The following COQ8A variants were observed in gnomAD, a reference collection of about 807,000 sequenced individuals.
The protein encoded by COQ8A is atypical kinase COQ8A, mitochondrial.
COQ8A carries 51 observed loss-of-function variants against 65.0 expected under a neutral mutation model. That is an observed-to-expected ratio of 0.78 (90% CI 0.63 to 0.99). The LOEUF (loss-of-function observed/expected upper bound fraction) is 0.99. Ranked by LOEUF, COQ8A falls within the 50% of genes least tolerant of loss-of-function variation. COQ8A has a pLI of 0.00. For synonymous variants in COQ8A, 371 were observed against 353.2 expected (o/e 1.05, Z -0.57); for missense variants, 940 against 875.0 (o/e 1.07, Z -0.94).
At position 226,977,530 on chromosome 1, in the gene COQ8A, C is replaced by T. The variant is rs370924314; in HGVS notation, c.730+7C>T. 3.5e-5 allele frequency: 54 copies of T among 1,554,896 alleles called. No homozygotes were observed. The African/African-American group carries it at 4.5e-4, about 13-fold the overall frequency. On this transcript the variant is annotated splice_region_variant and intron_variant, in intron 5 of 14. Transcript: ENST00000366777. ...CGCTCCGAGGACCCCTCAGGTGAGC[C>T]GGGCCCTTCAGTGGGAGGGGCAGGG... is the stretch of plus-strand genomic sequence containing the variant.
At chr1:226,984,997 T>C in intron 13 of COQ8A, 56 bp downstream of exon 13, 1 of 1,596,204 alleles carries the variant, frequency 6.3e-7, no homozygotes, top group Non-Finnish European at 8.6e-7. Flanking sequence ...TGGGACAGGA[T>C]GCTGGGGGAC....
At chr1:226,943,590 G>A (rs1656825517) in intron 1 of COQ8A, among the ~76,000 whole-genome samples, 1 of 152,218 alleles carries the variant, frequency 6.6e-6, no homozygotes, top group Non-Finnish European at 1.5e-5. Context: ...ATATGGCTGA[G>A]ATTTCTAATC....
intron 1 of COQ8A, among the ~76,000 whole-genome samples, chr1:226,960,887 C>A (rs897853925): frequency 6.6e-6 from 1 of 152,020 alleles, no homozygotes; most frequent in Non-Finnish European, 1.5e-5. Context: ...CAGCCTCAGC[C>A]CCTGTGGGTT....
intron 1 of COQ8A, among the ~76,000 whole-genome samples, chr1:226,950,564 CT>C (rs1238112261): frequency 6.6e-6 from 1 of 152,166 alleles, no homozygotes; most frequent in Non-Finnish European, 1.5e-5. Context: ...CATAATTTAC[CT>C]TTTGAAAATG....
rs1553277145 is a variant in COQ8A at position 226,965,740 on chromosome 1, A to C, written c.655+3A>C. The C allele has an allele frequency of 4.3e-6, 7 of 1,613,532 alleles. No individual in the cohort carries two copies. Among genetic ancestry groups the C allele is most frequent in the Non-Finnish European group, 5.1e-6 (6 of 1,179,950 alleles). On this transcript the variant is annotated splice_donor_region_variant and intron_variant, in intron 4 of 14. Transcript: ENST00000366777. ...TGGCCGGCTGGCCAACTTCGGAGGT[A>C]AGGTGGCTGTGTGCCCCTGGACTGC...
At chr1:226,952,512 C>T (rs537082449) in intron 1 of COQ8A, among the ~76,000 whole-genome samples, 1 of 151,804 alleles carries the variant, frequency 6.6e-6, no homozygotes, top group South Asian at 2.1e-4. Flanking sequence ...AATCCCTGGG[C>T]TCAAGCGATC....
In COQ8A at chr1:226,977,535, C is replaced by T; in HGVS notation, c.730+12C>T. The T allele has an allele frequency of 6.4e-7, 1 of 1,553,466 alleles. No individual in the cohort carries two copies. The highest frequency in any genetic ancestry group is 1.2e-5 in the South Asian group (1 of 84,358). ...CGAGGACCCCTCAGGTGAGCCGGGC[C>T]CTTCAGTGGGAGGGGCAGGGTGGGC... On this transcript the variant is annotated intron_variant, in intron 5 of 14. Transcript: ENST00000366777.
chr1:226,961,467 C>T lies in COQ8A; in HGVS notation c.82C>T (p.Gln28Ter). Residue 28 changes from glutamine to a stop codon, truncating the protein, a stop_gained, in exon 2 of 15, where the codon CAG becomes TAG. Transcript: ENST00000366777. LOFTEE classifies it high-confidence loss of function. ...LTQAAVETHL[Q>*]HLGIGGELIM... ...CCAGGCGGCCGTGGAAACCCACCTG[C>T]AGCACTTGGGCATCGGAGGGGAGCT... 6.2e-7 allele frequency: 1 copy of T among 1,613,864 alleles called. No homozygotes were observed. Among genetic ancestry groups the T allele is most frequent in the Non-Finnish European group, 8.5e-7 (1 of 1,179,990 alleles).
intron 5 of COQ8A, 80 bp downstream of exon 5, chr1:226,977,603 T>C (rs1490312341): frequency 1.7e-5 from 24 of 1,453,702 alleles, no homozygotes; most frequent in Non-Finnish European, 1.9e-6. Context: ...CCACCTGTGC[T>C]CTGGGAGTGT....
intron 4 of COQ8A, among the ~76,000 whole-genome samples, chr1:226,968,563 C>T (rs777013814): frequency 2.0e-4 from 31 of 152,250 alleles, no homozygotes; most frequent in Admixed American, 2.0e-4. Context: ...TACCTCTAGC[C>T]TTTCTTCCCT....
At chr1:226,971,025 C>T (rs1025350173) in intron 4 of COQ8A, among the ~76,000 whole-genome samples, 9 of 152,188 alleles carry the variant, frequency 5.9e-5, no homozygotes, top group African/African-American at 2.2e-4. Context: ...ACTGCAACCT[C>T]TGCCTCCCGG....
In COQ8A at chr1:226,984,204, C is replaced by T. The variant is rs1192007159; in HGVS notation, c.1367C>T (p.Ala456Val). Residue 456 changes from alanine (A) to valine (V), a missense_variant, in exon 11 of 15, where the codon GCC becomes GTC. Coordinates refer to ENST00000366777, the MANE Select transcript of COQ8A (RefSeq NM_020247.5). ...GTGTCTGGCTTCCCCCTGGACCAGG[C>T]CGAAGGGCTCAGCCAGGAGATTCGG... ...ELVSGFPLDQ[A>V]EGLSQEIRNE... The T allele has an allele frequency of 1.2e-6, 2 of 1,613,794 alleles. No homozygotes were observed. The highest frequency in any genetic ancestry group is 1.7e-6 in the Non-Finnish European group (2 of 1,179,998).
At chr1:226,943,833 C>T (rs1380573112) in intron 1 of COQ8A, among the ~76,000 whole-genome samples, 1 of 152,158 alleles carries the variant, frequency 6.6e-6, no homozygotes, top group Non-Finnish European at 1.5e-5. Context: ...CCGAAATTTC[C>T]CTGCACCCCT....
chr1:226,985,356 G>A lies in COQ8A; in HGVS notation c.1659+16G>A, dbSNP rs754873029. The A allele has an allele frequency of 2.5e-6, 4 of 1,612,990 alleles. No homozygotes were observed. In the Admixed American group the frequency reaches 5.0e-5, roughly 20 times the overall value. On this transcript the variant is annotated intron_variant, in intron 14 of 14. Coordinates refer to ENST00000366777, the MANE Select transcript of COQ8A (RefSeq NM_020247.5). Reference sequence around the variant, plus strand: ...CGAGGTCAAGGTGAGCAGGGTTGCGGGGGATCCCCTGGGCCTGCTGACCCA... The same window carrying A: ...CGAGGTCAAGGTGAGCAGGGTTGCGAGGGATCCCCTGGGCCTGCTGACCCA...
chr1:226,971,705 A>C (rs1278277525), intron 4 of COQ8A, among the ~76,000 whole-genome samples: 1 of 152,086 alleles, frequency 6.6e-6, no homozygotes, highest in Non-Finnish European at 1.5e-5. Flanking sequence ...TTTTTTTGAA[A>C]ATGTGGCTAT....
At chr1:226,955,503 ACTCCCTGGTTCACACT>A (rs1657651164) in intron 1 of COQ8A, among the ~76,000 whole-genome samples, 1 of 94,382 alleles carries the variant, frequency 1.1e-5, no homozygotes, top group Non-Finnish European at 2.1e-5. Flanking sequence ...TCTGGCTGCC[ACTCCCTGGTTCACACT>A]CTCCCTGGCT....
In COQ8A at chr1:226,982,106, G is replaced by A; in HGVS notation, c.810G>A (p.Val270=). The A allele has an allele frequency of 6.2e-7, 1 of 1,610,064 alleles. No homozygotes were observed. Among genetic ancestry groups the A allele is most frequent in the Non-Finnish European group, 8.5e-7 (1 of 1,178,932 alleles). Residue 270 remains valine, a synonymous_variant, in exon 6 of 15, where the codon GTG becomes GTA. Transcript: ENST00000366777. ...GGATCGTGCGCACGCTCTGCAAGGT[G>A]CGTGGTGCGGCACTCAAGCTGGGCC... The part of the protein sequence containing the change: ...AERIVRTLCK[V]RGAALKLGQM...
intron 5 of COQ8A, among the ~76,000 whole-genome samples, chr1:226,980,559 T>C (rs1659622822): frequency 6.6e-6 from 1 of 152,010 alleles, no homozygotes; most frequent in South Asian, 2.1e-4. Flanking sequence ...TGACTGCCTT[T>C]CCTTTGGTGC....
At chr1:226,978,798 C>A (rs1046680663) in intron 5 of COQ8A, among the ~76,000 whole-genome samples, 2 of 118,224 alleles carry the variant, frequency 1.7e-5, no homozygotes, top group Non-Finnish European at 3.8e-5. Flanking sequence ...CTCTCACCCG[C>A]ACAGCTCCTT....
Sources: allele counts gnomAD v4.1 joint callset (sites outside exome capture counted in the v4.1 genomes callset), GRCh38; gene constraint gnomAD v4.1.1; transcripts MANE v1.5; gene names NCBI Gene and HGNC (gene_info 2026-07-23, HGNC 2026-07-21).